The following DGKH variants were observed in gnomAD, a reference collection of about 807,000 sequenced individuals.
The protein encoded by DGKH is diacylglycerol kinase eta, also known as DAG kinase eta.
DGKH carries 90 observed loss-of-function variants against 159.3 expected under a neutral mutation model. That is an observed-to-expected ratio of 0.57 (90% CI 0.48 to 0.67). DGKH has a LOEUF of 0.67. DGKH is among the 30% of genes least tolerant of loss of function. DGKH has a pLI of 0.00. For missense variants in DGKH, 1,181 were observed against 1,506.1 expected (o/e 0.78, Z 3.57); for synonymous variants, 536 against 553.8 (o/e 0.97, Z 0.45).
rs565697237 is a variant in DGKH at position 42,217,257 on chromosome 13, A to G, written c.3213+1590A>G. On this transcript the variant is annotated intron_variant, in intron 26 of 29. Coordinates refer to ENST00000337343, the MANE Select transcript of DGKH (RefSeq NM_178009.5). ...AATTTTAAACACAACAGGGTAGAGA[A>G]TCTCCTTTTTTTTTGAGACAGGGAC... Among the ~76,000 whole-genome samples the G allele has an allele frequency of 2.6e-5, 4 of 152,294 alleles. No homozygotes were observed. In the South Asian group the frequency reaches 8.3e-4, roughly 32 times the overall value.
chr13:42,155,895 C>A, intron 5 of DGKH, 96 bp downstream of exon 5: 1 of 1,413,336 alleles, frequency 7.1e-7, no homozygotes, highest in South Asian at 1.3e-5. Flanking sequence ...GAGCTCTCCA[C>A]ACATAGGACT....
At chr13:42,070,030 C>T (rs2137689694) in intron 1 of DGKH, 1 of 890,494 alleles carries the variant, frequency 1.1e-6, no homozygotes, top group South Asian at 1.3e-5. Flanking sequence ...GTACCTTTCC[C>T]AGTTATAAAT....
At chr13:42,138,400 T>C (rs1444644493) in intron 3 of DGKH, among the ~76,000 whole-genome samples, 1 of 152,190 alleles carries the variant, frequency 6.6e-6, no homozygotes, top group African/African-American at 2.4e-5. Flanking sequence ...AAACTGAAAT[T>C]TCCTTGCAGA....
In DGKH at chr13:42,219,324, A is replaced by G. The variant is rs1957902447; in HGVS notation, c.3308A>G (p.Tyr1103Cys). Residue 1103 changes from tyrosine (Y) to cysteine (C), a missense_variant, in exon 27 of 30, where the codon TAT (tyrosine) becomes TGT (cysteine). Transcript: ENST00000337343. Reference sequence around the variant, plus strand: ...CTGACAGAGATTCCTTGGCTTTATTATATCTTACACCCAAATGAGGATGAG... The same window carrying G: ...CTGACAGAGATTCCTTGGCTTTATTGTATCTTACACCCAAATGAGGATGAG... The part of the protein sequence containing the change: ...QKLTEIPWLY[Y>C]ILHPNEDEEP... 1.9e-6 allele frequency: 3 copies of G among 1,613,950 alleles called. No homozygotes were observed. Among genetic ancestry groups the G allele is most frequent in the Middle Eastern group, 1.7e-4 (1 of 6,056 alleles).
chr13:42,179,038 A>G (rs892699553), intron 13 of DGKH, among the ~76,000 whole-genome samples: 2 of 152,264 alleles, frequency 1.3e-5, no homozygotes, highest in Non-Finnish European at 2.9e-5. Flanking sequence ...AAGATCAATC[A>G]TTATAAACAA....
chr13:42,208,227 G>A (rs916683521), intron 21 of DGKH, among the ~76,000 whole-genome samples: 16 of 152,012 alleles, frequency 1.1e-4, no homozygotes, highest in Admixed American at 6.5e-5. Flanking sequence ...GTTTTAATTA[G>A]CTTATTACTT....
intron 3 of DGKH, among the ~76,000 whole-genome samples, chr13:42,154,532 A>G (rs573441810): frequency 6.6e-6 from 1 of 152,292 alleles, no homozygotes; most frequent in East Asian, 1.9e-4. Context: ...TTTTAATAAC[A>G]TGAGAAAAGA....
chr13:42,186,396 T>C (rs1956930125), intron 13 of DGKH, among the ~76,000 whole-genome samples: 1 of 152,218 alleles, frequency 6.6e-6, no homozygotes, highest in Admixed American at 6.5e-5. Flanking sequence ...TTTTAGCTTA[T>C]TTCTATCGCA....
At chr13:42,068,963 T>G (rs1340694839) in intron 1 of DGKH, 42 of 1,479,296 alleles carry the variant, frequency 2.8e-5, no homozygotes, top group Non-Finnish European at 3.7e-5. Context: ...CCGCTGTATG[T>G]TTGATGAGGA....
intron 1 of DGKH, among the ~76,000 whole-genome samples, chr13:42,126,034 G>T (rs1045504398): frequency 6.6e-6 from 1 of 152,126 alleles, no homozygotes; most frequent in Non-Finnish European, 1.5e-5. Context: ...TCCTAAGGGG[G>T]TCTATTTGAG....
chr13:42,184,369 T>A (rs1448307224), intron 13 of DGKH, among the ~76,000 whole-genome samples: 1 of 152,150 alleles, frequency 6.6e-6, no homozygotes, highest in African/African-American at 2.4e-5. Context: ...GGAAAGGTGA[T>A]AAATGAGGGT....
At chr13:42,178,524 A>C (rs544496207) in intron 13 of DGKH, among the ~76,000 whole-genome samples, 4 of 152,246 alleles carry the variant, frequency 2.6e-5, no homozygotes, top group African/African-American at 9.6e-5. Flanking sequence ...ATGATTACTT[A>C]TAATATGGAA....
At chr13:42,188,995 T>G in intron 14 of DGKH, 41 bp from the exon 15 acceptor site, 3 of 1,585,420 alleles carry the variant, frequency 1.9e-6, no homozygotes, top group Non-Finnish European at 2.6e-6. Context: ...TGATCTTGAT[T>G]CTTTTTGAGT....
chr13:42,207,236 C>T (rs530353774), intron 21 of DGKH, among the ~76,000 whole-genome samples: 2 of 148,162 alleles, frequency 1.3e-5, no homozygotes, highest in East Asian at 3.9e-4. Context: ...GTCGCTCAGA[C>T]TGGAGTGCAA....
intron 13 of DGKH, among the ~76,000 whole-genome samples, chr13:42,185,507 C>T (rs1021253671): frequency 5.3e-5 from 8 of 152,280 alleles, no homozygotes; most frequent in South Asian, 4.1e-4. Context: ...AAGATACCAA[C>T]AAAAGCAGCT....
chr13:42,174,828 C>T (rs1302128015), intron 12 of DGKH, among the ~76,000 whole-genome samples: 1 of 152,180 alleles, frequency 6.6e-6, no homozygotes, highest in East Asian at 1.9e-4. Flanking sequence ...GCCTTAGCCT[C>T]CCAAAGTGCT....
At chr13:42,219,853 G>C in intron 28 of DGKH, 59 bp downstream of exon 28, 1 of 1,496,446 alleles carries the variant, frequency 6.7e-7, no homozygotes, top group Non-Finnish European at 9.2e-7. Flanking sequence ...TGATTAAAGT[G>C]ACATCATGGA....
chr13:42,175,945 A>G (rs1956591588), intron 12 of DGKH, among the ~76,000 whole-genome samples: 1 of 152,248 alleles, frequency 6.6e-6, no homozygotes, highest in Non-Finnish European at 1.5e-5. Context: ...GCTATAAAAC[A>G]GGACAGAGGG....
intron 14 of DGKH, among the ~76,000 whole-genome samples, chr13:42,187,501 C>T (rs1269519192): frequency 6.6e-6 from 1 of 152,140 alleles, no homozygotes; most frequent in Non-Finnish European, 1.5e-5. Context: ...CTCAGCCCCC[C>T]AAGTAGCTGG....
Sources: gnomAD v4.1 joint callset for allele counts (sites outside exome capture counted in the v4.1 genomes callset) on GRCh38, gnomAD v4.1.1 for gene constraint, MANE v1.5 for transcripts, NCBI Gene and HGNC (gene_info 2026-07-23, HGNC 2026-07-21) for gene names.